LCORL: variants seen among roughly 807,000 people sequenced by gnomAD.
The protein encoded by LCORL is ligand dependent nuclear receptor corepressor like, also known as ligand-dependent nuclear receptor corepressor-like protein.
LCORL carries 41 observed loss-of-function variants against 141.8 expected under a neutral mutation model. The ratio of observed to expected loss-of-function variants is 0.29; its 90% confidence interval spans 0.23 to 0.38. The LOEUF (loss-of-function observed/expected upper bound fraction) is 0.38, where lower values mean the gene tolerates loss of function less well. LCORL is among the 10% of genes least tolerant of loss of function. The probability of loss-of-function intolerance (pLI) is 1.00; values close to 1 mark genes in which losing one functional copy is unlikely to be tolerated. For synonymous variants in LCORL, 618 were observed against 694.1 expected, an observed-to-expected ratio of 0.89 and a Z score of 1.72; for missense variants, 1,759 against 2,035.0, an observed-to-expected ratio of 0.86 and a Z score of 2.61.
At chr4:17,881,138 C>T (rs1025319998) in intron 6 of LCORL, 1 of 981,710 alleles carries the variant, frequency 1.0e-6, no homozygotes, top group South Asian at 4.7e-5. Flanking sequence ...AAAACAGAGG[C>T]ACTGTTTTCT....
At chr4:18,005,798 GCA>G (rs1722704522) in intron 1 of LCORL, among the ~76,000 whole-genome samples, 1 of 152,150 alleles carries the variant, frequency 6.6e-6, no homozygotes, top group African/African-American at 2.4e-5. Flanking sequence ...ACTGCACAGA[GCA>G]CAGAGACCAT....
intron 4 of LCORL, among the ~76,000 whole-genome samples, chr4:17,921,198 T>G (rs1734248803): frequency 6.6e-6 from 1 of 151,814 alleles, no homozygotes; most frequent in South Asian, 2.1e-4. Flanking sequence ...TGATTTTTTT[T>G]TTGTATTTTA....
At chr4:18,000,506 C>G (rs1240985021) in intron 1 of LCORL, among the ~76,000 whole-genome samples, 2 of 152,016 alleles carry the variant, frequency 1.3e-5, no homozygotes, top group African/African-American at 4.8e-5. Flanking sequence ...TGCATTGTTT[C>G]TAAGAATGTA....
chr4:17,950,137 T>C (rs965777747), intron 4 of LCORL, among the ~76,000 whole-genome samples: 1 of 152,150 alleles, frequency 6.6e-6, no homozygotes, highest in African/African-American at 2.4e-5. Context: ...AGTATACCAC[T>C]TGAAAAACTC....
chr4:18,009,683 A>T (rs1723381983), intron 1 of LCORL, among the ~76,000 whole-genome samples: 1 of 151,880 alleles, frequency 6.6e-6, no homozygotes, highest in South Asian at 2.1e-4. Context: ...ATGACATCCC[A>T]CCCCAAGTAG....
In LCORL at chr4:17,875,438, T is replaced by C. The variant is rs545495866; in HGVS notation, c.3552A>G (p.Arg1184=). Residue 1184 remains arginine, a synonymous_variant, in exon 7 of 8, where the codon AGA becomes AGG. Transcript: ENST00000635767. ...AGTCAATTTTGTCTTCACTAATATT[T>C]CTGGGACTATTATATTCAGTTGGAA... 5 of 1,231,442 alleles carry C rather than the reference T, an allele frequency of 4.1e-6. 1 individual carries two copies. In the South Asian group the frequency reaches 2.1e-4, roughly 51 times the overall value. The allele number at this position is 1,231,442 out of a possible 1,614,324, so 76.3% of individuals were successfully genotyped here. A position where few individuals can be genotyped will look rare whatever the true frequency, so the allele number is the denominator to read the frequency against.
At chr4:17,889,599 T>C (rs576837324) in intron 5 of LCORL, among the ~76,000 whole-genome samples, 35 of 152,142 alleles carry the variant, frequency 2.3e-4, no homozygotes, top group African/African-American at 7.9e-4. Context: ...GCTGATAGCA[T>C]GATTCCCTTT....
At chr4:17,995,736 A>T (rs1720812788) in intron 1 of LCORL, among the ~76,000 whole-genome samples, 1 of 152,156 alleles carries the variant, frequency 6.6e-6, no homozygotes, top group East Asian at 1.9e-4. Context: ...TGGGGAAACT[A>T]GTCTCACCCT....
chr4:17,883,513 T>C, intron 6 of LCORL: 1 of 1,304,986 alleles, frequency 7.7e-7, no homozygotes, highest in Non-Finnish European at 9.7e-7. Flanking sequence ...TATATAATTC[T>C]GTCCACAGTG....
chr4:17,905,008 A>G (rs1296902111), intron 5 of LCORL, among the ~76,000 whole-genome samples: 1 of 152,054 alleles, frequency 6.6e-6, no homozygotes, highest in African/African-American at 2.4e-5. Flanking sequence ...TTCCTTCAAT[A>G]TATTTTTATA....
intron 7 of LCORL, among the ~76,000 whole-genome samples, chr4:17,852,092 T>C (rs1231396879): frequency 6.6e-6 from 1 of 152,182 alleles, no homozygotes; most frequent in Non-Finnish European, 1.5e-5. Flanking sequence ...TATGGTGGTT[T>C]TCTCAGGAAT....
chr4:17,978,911 A>T (rs997663910), intron 1 of LCORL, among the ~76,000 whole-genome samples: 6 of 151,230 alleles, frequency 4.0e-5, no homozygotes, highest in Non-Finnish European at 7.4e-5. Flanking sequence ...TCTTTTTTTT[A>T]TTTTTTATTT....
At position 17,873,181 on chromosome 4, in the gene LCORL, A is replaced by C. The variant is rs548199025; in HGVS notation, c.5602+207T>G. On this transcript the variant is annotated intron_variant, in intron 7 of 7. Coordinates refer to ENST00000635767, the Ensembl canonical transcript of LCORL. Reference sequence around the variant, plus strand: ...CTATATATATTTTTATTTGTGTGAAATCCTGGACATATTAAGAGGTGGGGA... The same window carrying C: ...CTATATATATTTTTATTTGTGTGAACTCCTGGACATATTAAGAGGTGGGGA... Among the ~76,000 whole-genome samples, 7 of 152,242 alleles carry C rather than the reference A, an allele frequency of 4.6e-5. No homozygotes were observed. The South Asian group carries it at 1.2e-3, about 27-fold the overall frequency.
In LCORL at chr4:18,015,825, T is replaced by C. The variant is rs530318917; in HGVS notation, c.154+5773A>G. On this transcript the variant is annotated intron_variant, in intron 1 of 7. Transcript: ENST00000635767. Reference sequence around the variant, plus strand: ...CAGGAAAAGTAAAATAGAGAGTAGATACCGACAAAAAGCAACTTCAAGATG... The same window carrying C: ...CAGGAAAAGTAAAATAGAGAGTAGACACCGACAAAAAGCAACTTCAAGATG... Among the ~76,000 whole-genome samples, 33 of 148,980 alleles carry C rather than the reference T, an allele frequency of 2.2e-4. 1 individual carries two copies. The South Asian group carries it at 7.1e-3, about 32-fold the overall frequency.
chr4:17,962,041 A>T lies in LCORL; in HGVS notation c.301-9T>A. On this transcript the variant is annotated splice_polypyrimidine_tract_variant and intron_variant, in intron 3 of 7. Coordinates refer to ENST00000635767, the Ensembl canonical transcript of LCORL. ...AGAGATGGTATACAATCCTAAAAGT[A>T]TAAGAAAACAACAACATACAGAATT... 1 of 1,561,166 alleles carries T rather than the reference A, an allele frequency of 6.4e-7. No homozygotes were observed.
At chr4:17,940,019 C>T (rs564339558) in intron 4 of LCORL, among the ~76,000 whole-genome samples, 1 of 147,092 alleles carries the variant, frequency 6.8e-6, no homozygotes. Context: ...GGTATATATG[C>T]ATATATACAC....
intron 1 of LCORL, among the ~76,000 whole-genome samples, chr4:17,982,817 T>A (rs1718252963): frequency 6.6e-6 from 1 of 152,206 alleles, no homozygotes; most frequent in African/African-American, 2.4e-5. Flanking sequence ...ACTTTTGGCA[T>A]CTTTGTCATG....
At chr4:17,881,706 AGT>A (rs2109205237) in intron 6 of LCORL, 1 of 939,286 alleles carries the variant, frequency 1.1e-6, no homozygotes, top group Non-Finnish European at 1.3e-6. Flanking sequence ...ATGTAAATAT[AGT>A]GTGAGGAATA....
At chr4:17,987,375 T>C (rs970379086) in intron 1 of LCORL, among the ~76,000 whole-genome samples, 3 of 152,234 alleles carry the variant, frequency 2.0e-5, no homozygotes, top group African/African-American at 7.2e-5. Context: ...CATCATGTTG[T>C]AGCATACATC....
Sources: allele counts gnomAD v4.1 joint callset (sites outside exome capture counted in the v4.1 genomes callset), GRCh38; gene constraint gnomAD v4.1.1; transcripts MANE v1.5; gene names NCBI Gene and HGNC (gene_info 2026-07-23, HGNC 2026-07-21).